The following CDH13 variants were observed in gnomAD, a reference collection of about 807,000 sequenced individuals.
The protein encoded by CDH13 is cadherin 13.
In CDH13, 24 loss-of-function variants were observed where a neutral mutation model predicts 63.8. The observed-to-expected ratio is 0.38, with a 90% CI of 0.27 to 0.53. The LOEUF (loss-of-function observed/expected upper bound fraction) is 0.53. CDH13 is among the 20% of genes least tolerant of loss of function. The pLI, the probability that CDH13 is intolerant of heterozygous loss-of-function variation, is 0.85. For synonymous variants in CDH13, 503 were observed against 355.3 expected (o/e 1.42, Z -4.67); for missense variants, 1,049 against 903.1 (o/e 1.16, Z -2.07).
chr16:82,877,373 C>T (rs2040540795), intron 2 of CDH13, among the ~76,000 whole-genome samples: 1 of 152,164 alleles, frequency 6.6e-6, no homozygotes, highest in Non-Finnish European at 1.5e-5. Context: ...TGGTTTAGAG[C>T]CTTATGTTTC....
chr16:83,662,544 G>A (rs1230594151), intron 8 of CDH13, among the ~76,000 whole-genome samples: 1 of 152,206 alleles, frequency 6.6e-6, no homozygotes, highest in Admixed American at 6.5e-5. Context: ...TCGGGGCGGG[G>A]TGGCTGCGGA....
chr16:82,799,983 C>G (rs1042466442), intron 1 of CDH13, among the ~76,000 whole-genome samples: 16 of 152,168 alleles, frequency 1.1e-4, no homozygotes, highest in Non-Finnish European at 1.8e-4. Flanking sequence ...CAGAGAGGAT[C>G]TATTTTCTAA....
intron 6 of CDH13, among the ~76,000 whole-genome samples, chr16:83,468,196 G>A (rs1219580719): frequency 6.6e-6 from 1 of 152,160 alleles, no homozygotes; most frequent in East Asian, 1.9e-4. Flanking sequence ...GAAGGGTCTG[G>A]GGATGAGAGT....
intron 3 of CDH13, among the ~76,000 whole-genome samples, chr16:83,048,643 C>G (rs1189745324): frequency 1.3e-5 from 2 of 152,136 alleles, no homozygotes; most frequent in South Asian, 2.1e-4. Flanking sequence ...CTGAGTACCC[C>G]TAACTCCTTT....
intron 6 of CDH13, among the ~76,000 whole-genome samples, chr16:83,402,795 G>T (rs1312300480): frequency 6.6e-6 from 1 of 152,086 alleles, no homozygotes; most frequent in African/African-American, 2.4e-5. Flanking sequence ...GTCTTCTTGG[G>T]ATTTAATTGT....
chr16:82,712,016 G>A (rs1258886508), intron 1 of CDH13, among the ~76,000 whole-genome samples: 1 of 152,138 alleles, frequency 6.6e-6, no homozygotes, highest in African/African-American at 2.4e-5. Flanking sequence ...TAACCATTCT[G>A]CTCTCTCGCC....
chr16:83,256,916 C>G (rs1315416119), intron 5 of CDH13, among the ~76,000 whole-genome samples: 1 of 151,632 alleles, frequency 6.6e-6, no homozygotes, highest in Non-Finnish European at 1.5e-5. Context: ...CTTTCCCTCT[C>G]TCCTACAAAT....
chr16:83,054,492 C>T (rs994110292), intron 3 of CDH13, among the ~76,000 whole-genome samples: 7 of 152,198 alleles, frequency 4.6e-5, no homozygotes, highest in African/African-American at 9.6e-5. Flanking sequence ...GTGGATACAC[C>T]GGACAAAGCC....
intron 1 of CDH13, among the ~76,000 whole-genome samples, chr16:82,631,596 C>T (rs529610982): frequency 6.6e-6 from 1 of 152,328 alleles, no homozygotes; most frequent in African/African-American, 2.4e-5. Context: ...TTCCCCACAG[C>T]CCGCTTCTTC....
chr16:83,123,255 AATAT>A (rs141492339), intron 3 of CDH13, among the ~76,000 whole-genome samples: 1 of 149,282 alleles, frequency 6.7e-6, no homozygotes, highest in Non-Finnish European at 1.5e-5. Flanking sequence ...TATAGATACA[AATAT>A]ATATATATAT....
At chr16:83,244,604 C>T (rs1056594191) in intron 5 of CDH13, among the ~76,000 whole-genome samples, 3 of 152,208 alleles carry the variant, frequency 2.0e-5, no homozygotes, top group African/African-American at 7.2e-5. Context: ...ACACCACCCT[C>T]AGATTTGGTG....
chr16:83,757,440 C>T (rs777870205), intron 11 of CDH13, among the ~76,000 whole-genome samples: 107 of 152,104 alleles, frequency 7.0e-4, no homozygotes, highest in Non-Finnish European at 1.3e-3. Flanking sequence ...TAGCTGGATA[C>T]AGTGGCATGT....
At chr16:82,903,495 C>G (rs1208539569) in intron 2 of CDH13, among the ~76,000 whole-genome samples, 1 of 152,180 alleles carries the variant, frequency 6.6e-6, no homozygotes, top group Non-Finnish European at 1.5e-5. Context: ...TAGTTTTTTC[C>G]TAATTCTGGC....
intron 7 of CDH13, among the ~76,000 whole-genome samples, chr16:83,520,888 T>C (rs1227222540): frequency 2.0e-5 from 3 of 152,192 alleles, no homozygotes; most frequent in African/African-American, 4.8e-5. Context: ...CAAGTTTTAT[T>C]TAAAAATCCT....
chr16:82,726,791 A>G (rs975351137), intron 1 of CDH13, among the ~76,000 whole-genome samples: 1 of 152,204 alleles, frequency 6.6e-6, no homozygotes, highest in African/African-American at 2.4e-5. Flanking sequence ...TATTGTTTTC[A>G]TTGAATTACT....
In CDH13 at chr16:83,377,686, C is replaced by G. The variant is rs575579387; in HGVS notation, c.781+32680C>G. Reference sequence around the variant, plus strand: ...TCCAACCAGTGAGCTTCCATTTCTTCTGCCTGATAATGACTCCCACACTTA... The same window carrying G: ...TCCAACCAGTGAGCTTCCATTTCTTGTGCCTGATAATGACTCCCACACTTA... On this transcript the variant is annotated intron_variant, in intron 6 of 13. Coordinates refer to ENST00000567109, the MANE Select transcript of CDH13 (RefSeq NM_001257.5). Among the ~76,000 whole-genome samples, 7 of 152,304 alleles carry G rather than the reference C, an allele frequency of 4.6e-5. No individual in the cohort carries two copies. In the East Asian group the frequency reaches 1.4e-3, roughly 29 times the overall value.
At chr16:83,073,233 A>G (rs1220223691) in intron 3 of CDH13, among the ~76,000 whole-genome samples, 1 of 152,042 alleles carries the variant, frequency 6.6e-6, no homozygotes, top group Non-Finnish European at 1.5e-5. Flanking sequence ...AGCTTGCACG[A>G]AATCACTGTG....
At chr16:82,715,328 G>A (rs1455844404) in intron 1 of CDH13, among the ~76,000 whole-genome samples, 1 of 149,096 alleles carries the variant, frequency 6.7e-6, no homozygotes, top group Non-Finnish European at 1.5e-5. Flanking sequence ...CGCCAATCCT[G>A]CAGTGCTTAT....
intron 11 of CDH13, among the ~76,000 whole-genome samples, chr16:83,774,662 C>T (rs944225414): frequency 6.6e-6 from 1 of 152,166 alleles, no homozygotes; most frequent in African/African-American, 2.4e-5. Flanking sequence ...ACCTGAGCCA[C>T]CACACCCGGC....
Sources: gnomAD v4.1 joint callset for allele counts (sites outside exome capture counted in the v4.1 genomes callset) on GRCh38, gnomAD v4.1.1 for gene constraint, MANE v1.5 for transcripts, NCBI Gene and HGNC (gene_info 2026-07-23, HGNC 2026-07-21) for gene names.